The following DLAT variants were observed in gnomAD, a reference collection of about 807,000 sequenced individuals.
The protein encoded by DLAT is dihydrolipoamide S-acetyltransferase.
DLAT carries 43 observed loss-of-function variants against 68.0 expected under a neutral mutation model. The ratio of observed to expected loss-of-function variants is 0.63; its 90% CI spans 0.50 to 0.81. The LOEUF (loss-of-function observed/expected upper bound fraction) is 0.81, where lower values mean the gene tolerates loss of function less well. DLAT is among the 40% of genes least tolerant of loss of function. The probability of loss-of-function intolerance (pLI) is 0.00; values close to 1 mark genes in which losing one functional copy is unlikely to be tolerated. For missense variants in DLAT, 745 were observed against 815.4 expected, an observed-to-expected ratio of 0.91 and a Z score of 1.05; for synonymous variants, 265 against 288.6, an observed-to-expected ratio of 0.92 and a Z score of 0.83.
Position 112,025,541 on chromosome 11 carries a change from G to A in DLAT, c.69G>A (p.Thr23=). The A allele has an allele frequency of 1.2e-6, 2 of 1,614,020 alleles. No homozygotes were observed. Among genetic ancestry groups the A allele is most frequent in the Non-Finnish European group, 1.7e-6 (2 of 1,180,004 alleles). The change falls in exon 1 of 14, where the codon ACG becomes ACA. Residue 23 remains threonine (T), a synonymous_variant. Transcript: ENST00000280346. ...APWAGLEARW[T]ALQEVPGTPR... is the part of the protein sequence containing the mutation. ...GGGCGGGACTCGAGGCTCGGTGGAC[G>A]GCCTTGCAGGAGGTACCCGGAACTC...
chr11:112,060,721 C>G (rs1555183135), intron 12 of DLAT, among the ~76,000 whole-genome samples: 1 of 152,176 alleles, frequency 6.6e-6, no homozygotes. Flanking sequence ...CCGCCTCACC[C>G]TCTCGAAGTG....
At chr11:112,043,177 A>C (rs1555181108) in intron 7 of DLAT, among the ~76,000 whole-genome samples, 3 of 152,226 alleles carry the variant, frequency 2.0e-5, no homozygotes, top group Non-Finnish European at 4.4e-5. Flanking sequence ...AATTAAGTAC[A>C]ACTTGGATAA....
intron 6 of DLAT, among the ~76,000 whole-genome samples, chr11:112,038,973 C>G (rs1862914071): frequency 6.6e-6 from 1 of 152,040 alleles, no homozygotes; most frequent in South Asian, 2.1e-4. Context: ...ATACTATACA[C>G]TGATTGGCAA....
chr11:112,039,783 G>A (rs1328827939), intron 7 of DLAT, among the ~76,000 whole-genome samples: 1 of 152,134 alleles, frequency 6.6e-6, no homozygotes, highest in African/African-American at 2.4e-5. Flanking sequence ...TGAAGTTGGG[G>A]TGATTTGGAA....
intron 4 of DLAT, among the ~76,000 whole-genome samples, chr11:112,031,153 AC>A: frequency 6.6e-6 from 1 of 152,346 alleles, no homozygotes; most frequent in Non-Finnish European, 1.5e-5. Context: ...AAAAGCACTT[AC>A]AATTTTTTTT....
At chr11:112,045,079 C>T (rs1863236039) in intron 8 of DLAT, 59 bp from the exon 9 acceptor site, 1 of 1,346,606 alleles carries the variant, frequency 7.4e-7, no homozygotes, top group Non-Finnish European at 1.1e-6. Context: ...CAGTCTTTCC[C>T]AGGTACTTAC....
chr11:112,061,705 A>G (rs1864639499), intron 13 of DLAT, among the ~76,000 whole-genome samples: 1 of 152,072 alleles, frequency 6.6e-6, no homozygotes. Context: ...CAGCCTCCCA[A>G]GTAGCTATAG....
At chr11:112,061,761 T>A (rs1245034122) in intron 13 of DLAT, among the ~76,000 whole-genome samples, 1 of 152,108 alleles carries the variant, frequency 6.6e-6, no homozygotes, top group African/African-American at 2.4e-5. Context: ...ATTTTTGTAT[T>A]TTTAGTAGAC....
In DLAT at chr11:112,044,008, G is replaced by A. The variant is rs587624150; in HGVS notation, c.1197+475G>A. Among the ~76,000 whole-genome samples, 3 of 152,238 alleles carry A rather than the reference G, an allele frequency of 2.0e-5. No individual in the cohort carries two copies. In the East Asian group the frequency reaches 5.8e-4, roughly 29 times the overall value. On this transcript the variant is annotated intron_variant, in intron 8 of 13. Coordinates refer to ENST00000280346, the MANE Select transcript of DLAT (RefSeq NM_001931.5). ...AACTTATGGATATGGAGGGCCAAGTGTATTTAGATATTTGTGTGCTATCAT... is the reference window on the plus strand; with the variant it reads ...AACTTATGGATATGGAGGGCCAAGTATATTTAGATATTTGTGTGCTATCAT...
intron 11 of DLAT, among the ~76,000 whole-genome samples, chr11:112,052,788 G>C (rs916104493): frequency 3.9e-5 from 6 of 152,092 alleles, no homozygotes; most frequent in African/African-American, 1.4e-4. Context: ...TCAGTGGGTA[G>C]AGCTAAAAGT....
intron 7 of DLAT, 140 bp from the exon 8 acceptor site, chr11:112,043,326 G>C: frequency 1.3e-6 from 1 of 781,380 alleles, no homozygotes; most frequent in Non-Finnish European, 2.3e-6. Flanking sequence ...GCACCTTAAG[G>C]GGTAGGGTTA....
Position 112,064,291 on chromosome 11 carries a change from T to C in DLAT, c.*1756T>C, listed in dbSNP as rs1200260794. 2 of 1,330,306 alleles carry C rather than the reference T, an allele frequency of 1.5e-6. No homozygotes were observed. Among genetic ancestry groups the C allele is most frequent in the East Asian group, 5.2e-5 (2 of 38,408 alleles). The allele number at this position is 1,330,306 out of a possible 1,614,324, so 82.4% of individuals were successfully genotyped here. A position where few individuals can be genotyped will look rare whatever the true frequency, so the allele number is the denominator to read the frequency against. On this transcript the variant is annotated 3_prime_UTR_variant, in exon 14 of 14. Transcript: ENST00000280346. ...AGTTAAAAATTAATCTGAGCTATAA[T>C]CTAAATCGATTCAGTCTCTTACCAG... is the stretch of plus-strand genomic sequence containing the variant.
chr11:112,039,379 G>A lies in DLAT; in HGVS notation c.1111G>A (p.Asp371Asn). Reference protein sequence around the residue: ...AKKLAVEKGIDLTQVKGTGPD... With the variant: ...AKKLAVEKGINLTQVKGTGPD... ...GAAGTTGGCAGTAGAGAAAGGGATTGATCTTACACAAGTAAAAGGTAAATC... is the reference window on the plus strand; with the variant it reads ...GAAGTTGGCAGTAGAGAAAGGGATTAATCTTACACAAGTAAAAGGTAAATC... Residue 371 changes from aspartate (D) to asparagine (N), a missense_variant, in exon 7 of 14, where the codon GAT becomes AAT. By Grantham distance (23) the Asp-to-Asn change is conservative. Transcript: ENST00000280346. 3 of 1,614,064 alleles carry A rather than the reference G, an allele frequency of 1.9e-6. No homozygotes were observed. The highest frequency in any genetic ancestry group is 2.5e-6 in the Non-Finnish European group (3 of 1,179,964).
Position 112,025,629 on chromosome 11 carries a change from G to C in DLAT, c.157G>C (p.Gly53Arg). 6.2e-7 allele frequency: 1 copy of C among 1,613,550 alleles called. No homozygotes were observed. Among genetic ancestry groups the C allele is most frequent in the Non-Finnish European group, 8.5e-7 (1 of 1,179,994 alleles). ...ARRNSVTTGY[G>R]GVRALCGWTP... Reference sequence around the variant, plus strand: ...TCGCAACAGCGTGACTACAGGGTATGGCGGGGTCCGGGCACTGTGCGGCTG... The same window carrying C: ...TCGCAACAGCGTGACTACAGGGTATCGCGGGGTCCGGGCACTGTGCGGCTG... The change falls in exon 1 of 14, where the codon GGC (glycine) becomes CGC (arginine). Residue 53 changes from glycine (G) to arginine (R), a missense_variant. Physicochemically the swap from Gly to Arg is moderately radical, Grantham distance 125. Coordinates refer to ENST00000280346, the MANE Select transcript of DLAT (RefSeq NM_001931.5).
intron 9 of DLAT, 74 bp downstream of exon 9, chr11:112,045,304 T>TA: frequency 1.7e-6 from 2 of 1,205,870 alleles, no homozygotes; most frequent in Non-Finnish European, 2.5e-6. Flanking sequence ...CCATAGTTTT[T>TA]AACACATTAA....
At chr11:112,052,298 T>G (rs1212479385) in intron 11 of DLAT, among the ~76,000 whole-genome samples, 1 of 152,124 alleles carries the variant, frequency 6.6e-6, no homozygotes, top group Non-Finnish European at 1.5e-5. Context: ...TCAATTCAAT[T>G]CTGGTGCTGT....
rs782036767 is a variant in DLAT, at chr11:112,028,908, C to T, written c.623C>T (p.Ala208Val). The T allele has an allele frequency of 2.5e-6, 4 of 1,614,210 alleles. No homozygotes were observed. Among genetic ancestry groups the T allele is most frequent in the Non-Finnish European group, 3.4e-6 (4 of 1,180,032 alleles). Residue 208 changes from alanine (A) to valine (V), a missense_variant, in exon 4 of 14, where the codon GCT becomes GTT. Coordinates refer to ENST00000280346, the MANE Select transcript of DLAT (RefSeq NM_001931.5). ...AATASPPTPS[A>V]QAPGSSYPPH... ...ACTGCTTCGCCACCTACACCTTCTGCTCAGGCTCCTGGTAGCTCATATCCC... is the reference window on the plus strand; with the variant it reads ...ACTGCTTCGCCACCTACACCTTCTGTTCAGGCTCCTGGTAGCTCATATCCC...
rs374146854 is a variant in DLAT, at chr11:112,028,532, C to T, written c.399C>T (p.Ala133=). 3.7e-6 allele frequency: 6 copies of T among 1,613,786 alleles called. No individual in the cohort carries two copies. The highest frequency in any genetic ancestry group is 1.7e-5 in the Admixed American group (1 of 59,964). ...GTTAAAAGGTTGAAACTGATAAAGC[C>T]ACTGTTGGATTTGAGAGCCTGGAGG... The part of the protein sequence containing the change: ...DLIAEVETDK[A]TVGFESLEEC... The change falls in exon 3 of 14, where the codon GCC becomes GCT. Residue 133 remains alanine, a synonymous_variant. Transcript: ENST00000280346.
At chr11:112,041,109 TAGTTAAG>T (rs1863033374) in intron 7 of DLAT, among the ~76,000 whole-genome samples, 1 of 152,158 alleles carries the variant, frequency 6.6e-6, no homozygotes, top group Non-Finnish European at 1.5e-5. Flanking sequence ...TATAGCATAG[TAGTTAAG>T]AGTGTGAGCT....
Sources: gnomAD v4.1 joint callset for allele counts (sites outside exome capture counted in the v4.1 genomes callset) on GRCh38, gnomAD v4.1.1 for gene constraint, MANE v1.5 for transcripts, NCBI Gene and HGNC (gene_info 2026-07-23, HGNC 2026-07-21) for gene names.